NFATC3: variants seen among roughly 807,000 people sequenced by gnomAD.
NFATC3 encodes the protein nuclear factor of activated T-cells, cytoplasmic 3.
Under a neutral mutation model 98.6 loss-of-function variants are expected in NFATC3, and 46 were observed. The observed-to-expected ratio is 0.47, with a 90% CI of 0.37 to 0.60. The LOEUF (loss-of-function observed/expected upper bound fraction) is 0.60, where lower values mean the gene tolerates loss of function less well. Ranked by LOEUF, NFATC3 falls within the 20% of genes least tolerant of loss-of-function variation. The pLI is 0.00. For missense variants in NFATC3, 1,256 were observed against 1,295.5 expected, an observed-to-expected ratio of 0.97 and a Z score of 0.47; for synonymous variants, 512 against 472.2, an observed-to-expected ratio of 1.08 and a Z score of -1.09.
intron 5 of NFATC3, among the ~76,000 whole-genome samples, chr16:68,168,399 G>C (rs1206481890): frequency 2.0e-5 from 3 of 151,894 alleles, no homozygotes; most frequent in Non-Finnish European, 4.4e-5. Context: ...CTGACTTGAA[G>C]TGATCTGCCC....
chr16:68,094,112 C>T (rs1247178461), intron 1 of NFATC3, among the ~76,000 whole-genome samples: 1 of 152,118 alleles, frequency 6.6e-6, no homozygotes, highest in African/African-American at 2.4e-5. Context: ...AAATTTAGCT[C>T]TTTTGGGCCT....
At chr16:68,165,578 C>G (rs192029091) in intron 4 of NFATC3, among the ~76,000 whole-genome samples, 2 of 151,878 alleles carry the variant, frequency 1.3e-5, no homozygotes, top group East Asian at 3.9e-4. Context: ...TGTATTTTAG[C>G]AGAGACAGGG....
Position 68,181,461 on chromosome 16 carries a change from CT to C in NFATC3, c.1916-11del, listed in dbSNP as rs746227081. ...TATGAATTGCTTTTAACTATAAACT[CT>C]TTCTTTCAATAGATGGACGACCTCA... On this transcript the variant is annotated splice_polypyrimidine_tract_variant and intron_variant, in intron 6 of 9. Transcript: ENST00000346183. 6.2e-7 allele frequency: 1 copy of C among 1,605,042 alleles called. No homozygotes were observed. Among genetic ancestry groups the C allele is most frequent in the East Asian group, 2.2e-5 (1 of 44,746 alleles).
intron 5 of NFATC3, among the ~76,000 whole-genome samples, chr16:68,173,697 T>C (rs2039568066): frequency 1.3e-5 from 2 of 152,234 alleles, no homozygotes; most frequent in South Asian, 4.1e-4. Context: ...CTTACATGCT[T>C]TTTGTAATTA....
chr16:68,192,339 A>G (rs1201711912), intron 9 of NFATC3: 4 of 144,702 alleles, frequency 2.8e-5, no homozygotes. Context: ...ATATAGAGAG[A>G]GAGAGAGAGA....
intron 1 of NFATC3, among the ~76,000 whole-genome samples, chr16:68,104,869 T>C (rs1324001980): frequency 6.6e-6 from 1 of 152,010 alleles, no homozygotes; most frequent in East Asian, 1.9e-4. Flanking sequence ...TTAGCCAGGA[T>C]GGTCTTGATC....
intron 1 of NFATC3, chr16:68,089,322 A>G: frequency 4.1e-6 from 4 of 969,572 alleles, no homozygotes; most frequent in Non-Finnish European, 4.9e-6. Context: ...ATAATGTTGT[A>G]TGTTGTATAC....
intron 6 of NFATC3, among the ~76,000 whole-genome samples, chr16:68,176,861 C>T (rs957517242): frequency 6.6e-6 from 1 of 152,016 alleles, no homozygotes; most frequent in Non-Finnish European, 1.5e-5. Context: ...CTCTCATGTT[C>T]CCTTGCACAT....
intron 8 of NFATC3, among the ~76,000 whole-genome samples, chr16:68,185,398 A>C (rs778673916): frequency 3.3e-5 from 5 of 152,180 alleles, no homozygotes; most frequent in Non-Finnish European, 7.3e-5. Flanking sequence ...TAAGGTATGC[A>C]TCTCCTCCAG....
At chr16:68,145,629 C>A (rs936205966) in intron 3 of NFATC3, among the ~76,000 whole-genome samples, 1 of 152,198 alleles carries the variant, frequency 6.6e-6, no homozygotes, top group African/African-American at 2.4e-5. Flanking sequence ...CTATATGATT[C>A]TATTTATGTA....
chr16:68,095,347 ATTTTTTTT>A (rs35343240), intron 1 of NFATC3, among the ~76,000 whole-genome samples: 2 of 103,832 alleles, frequency 1.9e-5, no homozygotes, highest in East Asian at 2.5e-4. Context: ...TGCCCAGCTA[ATTTTTTTT>A]TTTTTTTTTT....
At position 68,122,127 on chromosome 16, in the gene NFATC3, A is replaced by G. The variant is rs56326642; in HGVS notation, c.244A>G (p.Ser82Gly). Residue 82 changes from serine (S) to glycine (G), a missense_variant, in exon 2 of 10, where the codon AGT becomes GGT. Around this residue, in one of 3 missense-constraint regions of NFATC3, gnomAD observed 464 missense variants for 465.7 expected, o/e 1.00. Coordinates refer to ENST00000346183, the MANE Select transcript of NFATC3 (RefSeq NM_173165.3). ...SVLSPSFQLQ[S>G]HKNYEGTCEI... Reference sequence around the variant, plus strand: ...TTTGTCACCATCGTTTCAGCTCCAAAGTCACAAAAACTATGAAGGAACTTG... The same window carrying G: ...TTTGTCACCATCGTTTCAGCTCCAAGGTCACAAAAACTATGAAGGAACTTG... 3.7e-4 allele frequency: 601 copies of G among 1,614,122 alleles called. 10 individuals are homozygous for G. In the East Asian group the frequency reaches 0.013, roughly 35 times the overall value.
chr16:68,135,081 C>T (rs774430807), intron 3 of NFATC3, among the ~76,000 whole-genome samples: 5 of 151,918 alleles, frequency 3.3e-5, no homozygotes, highest in Admixed American at 2.0e-4. Context: ...TACACATCCA[C>T]GATATCTTTG....
At position 68,205,332 on chromosome 16, in the gene NFATC3, C is replaced by T. The variant is rs556657219; in HGVS notation, c.3106+13557C>T. On this transcript the variant is annotated intron_variant, in intron 9 of 9. Transcript: ENST00000346183. ...GGACCATCATGGCTCACTGCAGCCT[C>T]GACCTCCCAGGCTCCAGCATTTCTC... Among the ~76,000 whole-genome samples the T allele has an allele frequency of 3.3e-5, 5 of 152,190 alleles. No homozygotes were observed. In the East Asian group the frequency reaches 5.8e-4, roughly 18 times the overall value.
intron 3 of NFATC3, among the ~76,000 whole-genome samples, chr16:68,130,982 C>T (rs892494498): frequency 3.9e-5 from 6 of 152,016 alleles, no homozygotes; most frequent in Non-Finnish European, 8.8e-5. Flanking sequence ...TTTCTGTGCC[C>T]TCTATTCTGT....
chr16:68,105,946 T>A (rs530127318), intron 1 of NFATC3, among the ~76,000 whole-genome samples: 14 of 152,252 alleles, frequency 9.2e-5, no homozygotes, highest in Middle Eastern at 3.4e-3. Context: ...TGGAGCAATC[T>A]TGGCTCACTG....
chr16:68,190,554 T>C (rs1041898674), intron 8 of NFATC3, among the ~76,000 whole-genome samples: 1 of 152,176 alleles, frequency 6.6e-6, no homozygotes, highest in Non-Finnish European at 1.5e-5. Flanking sequence ...CCCAAAGATA[T>C]TCATATTATA....
Position 68,144,257 on chromosome 16 carries a change from C to T in NFATC3, c.1402-13612C>T, listed in dbSNP as rs558278989. On this transcript the variant is annotated intron_variant, in intron 3 of 9. Coordinates refer to ENST00000346183, the MANE Select transcript of NFATC3 (RefSeq NM_173165.3). ...AGTTATCATTACATACCTATTAGAA[C>T]AGCTAAAATAAAAAATATAATACTA... is the stretch of plus-strand genomic sequence containing the variant. Among the ~76,000 whole-genome samples the T allele has an allele frequency of 7.5e-4, 114 of 152,096 alleles. 1 individual carries two copies. The highest frequency in any genetic ancestry group is 2.7e-3 in the African/African-American group (111 of 41,490).
At chr16:68,092,510 C>CCAG (rs1420040600) in intron 1 of NFATC3, among the ~76,000 whole-genome samples, 1 of 128,930 alleles carries the variant, frequency 7.8e-6, no homozygotes, top group Non-Finnish European at 1.7e-5. Flanking sequence ...GCCTGTAATC[C>CCAG]CAGCACTTTG....
Sources: gnomAD v4.1 joint callset for allele counts (sites outside exome capture counted in the v4.1 genomes callset) on GRCh38, gnomAD v4.1.1 for gene constraint, gnomAD v4.1.1 regional missense constraint, MANE v1.5 for transcripts, NCBI Gene and HGNC (gene_info 2026-07-23, HGNC 2026-07-21) for gene names.